SNX24: variants seen among roughly 807,000 people sequenced by gnomAD.
SNX24 encodes sorting nexin-24.
A neutral mutation model predicts 28.7 loss-of-function variants in SNX24; 22 were observed. The observed-to-expected ratio is 0.77, with a 90% CI of 0.55 to 1.10. The LOEUF is 1.10. Among genes scored for constraint, SNX24 ranks in the 50% least tolerant of loss-of-function variants. The pLI, the probability that SNX24 is intolerant of heterozygous loss-of-function variation, is 0.00. For synonymous variants in SNX24, 69 were observed against 71.5 expected, an observed-to-expected ratio of 0.96 and a Z score of 0.18; for missense variants, 221 against 201.1, an observed-to-expected ratio of 1.10 and a Z score of -0.60.
intron 3 of SNX24, among the ~76,000 whole-genome samples, chr5:122,994,146 A>T (rs1761966689): frequency 6.6e-6 from 1 of 152,202 alleles, no homozygotes; most frequent in Non-Finnish European, 1.5e-5. Context: ...GAAGGTTAGC[A>T]AAGTGGTCTT....
At chr5:122,983,305 T>G (rs1455043033) in intron 3 of SNX24, among the ~76,000 whole-genome samples, 1 of 152,196 alleles carries the variant, frequency 6.6e-6, no homozygotes, top group Non-Finnish European at 1.5e-5. Flanking sequence ...TGCATATTCT[T>G]ATTTACTTTT....
chr5:122,964,940 A>T (rs982303377), intron 3 of SNX24, among the ~76,000 whole-genome samples: 4 of 152,104 alleles, frequency 2.6e-5, no homozygotes, highest in African/African-American at 9.7e-5. Flanking sequence ...TGAATTTTTT[A>T]GGTTGTTTCT....
At chr5:122,927,292 A>G (rs1758742468) in intron 1 of SNX24, among the ~76,000 whole-genome samples, 1 of 152,256 alleles carries the variant, frequency 6.6e-6, no homozygotes, top group Non-Finnish European at 1.5e-5. Flanking sequence ...TTCAAGAACT[A>G]GAACTCCTAA....
At chr5:123,003,476 T>C (rs565158032) in intron 6 of SNX24, among the ~76,000 whole-genome samples, 1 of 152,336 alleles carries the variant, frequency 6.6e-6, no homozygotes, top group African/African-American at 2.4e-5. Flanking sequence ...ATTATTCTTA[T>C]TATCTTTGAA....
chr5:122,878,937 G>C (rs999465897), intron 1 of SNX24, among the ~76,000 whole-genome samples: 5 of 146,312 alleles, frequency 3.4e-5, no homozygotes, highest in Admixed American at 2.8e-4. Flanking sequence ...GATCCAGACA[G>C]AGCAAGACTC....
intron 3 of SNX24, among the ~76,000 whole-genome samples, chr5:122,978,925 C>T (rs1030258474): frequency 5.3e-5 from 8 of 152,308 alleles, no homozygotes; most frequent in Admixed American, 3.9e-4. Flanking sequence ...TACTTTTTCT[C>T]AGGCTTTGGG....
chr5:122,940,956 G>A (rs474590), intron 2 of SNX24, among the ~76,000 whole-genome samples: 4,752 of 152,086 alleles, frequency 0.031, 115 homozygotes, highest in Non-Finnish European at 0.053. Context: ...ACCATTCCTC[G>A]TCTCGTGGCC....
intron 1 of SNX24, among the ~76,000 whole-genome samples, chr5:122,903,180 C>T (rs912583164): frequency 3.3e-5 from 5 of 152,104 alleles, no homozygotes; most frequent in Non-Finnish European, 7.4e-5. Context: ...GATCGTGGCT[C>T]ACTGCAGCCT....
chr5:122,988,960 G>A (rs572970210), intron 3 of SNX24, among the ~76,000 whole-genome samples: 20 of 152,112 alleles, frequency 1.3e-4, no homozygotes, highest in South Asian at 1.0e-3. Context: ...GCATATCAAC[G>A]TTATTTTTTC....
chr5:122,888,865 T>C (rs1756828865), intron 1 of SNX24, among the ~76,000 whole-genome samples: 2 of 152,190 alleles, frequency 1.3e-5, no homozygotes, highest in Admixed American at 1.3e-4. Context: ...ACTTTGTGTT[T>C]TTTTGAGACA....
intron 3 of SNX24, among the ~76,000 whole-genome samples, chr5:122,958,883 C>T (rs146788630): frequency 1.6e-4 from 24 of 152,114 alleles, no homozygotes; most frequent in Admixed American, 2.6e-4. Context: ...TAATATGCTG[C>T]TGAATTTGAT....
At chr5:122,968,052 G>T (rs1167452250) in intron 3 of SNX24, among the ~76,000 whole-genome samples, 1 of 152,186 alleles carries the variant, frequency 6.6e-6, no homozygotes, top group Non-Finnish European at 1.5e-5. Flanking sequence ...ATGGGATGTT[G>T]TTGCCAGAAT....
intron 1 of SNX24, among the ~76,000 whole-genome samples, chr5:122,887,180 C>T (rs758935013): frequency 2.6e-5 from 4 of 152,150 alleles, no homozygotes; most frequent in Non-Finnish European, 5.9e-5. Flanking sequence ...TGTACCTATA[C>T]TCTGGGTGGA....
At chr5:122,895,089 A>T (rs1475044728) in intron 1 of SNX24, among the ~76,000 whole-genome samples, 1 of 151,528 alleles carries the variant, frequency 6.6e-6, no homozygotes, top group Non-Finnish European at 1.5e-5. Flanking sequence ...AGTATTATTC[A>T]GCCAAAACAG....
chr5:122,879,431 C>T (rs911457210), intron 1 of SNX24, among the ~76,000 whole-genome samples: 1 of 152,208 alleles, frequency 6.6e-6, no homozygotes, highest in South Asian at 2.1e-4. Flanking sequence ...AACATGAGTT[C>T]TCTCCAGGCT....
chr5:122,907,274 T>C (rs557046785), intron 1 of SNX24, among the ~76,000 whole-genome samples: 1 of 152,130 alleles, frequency 6.6e-6, no homozygotes, highest in Non-Finnish European at 1.5e-5. Context: ...TGACGTAAAG[T>C]TTTCTTTAAA....
At chr5:122,875,590 GATA>G (rs1322682454) in intron 1 of SNX24, among the ~76,000 whole-genome samples, 2 of 152,222 alleles carry the variant, frequency 1.3e-5, no homozygotes, top group Non-Finnish European at 2.9e-5. Flanking sequence ...ATGTAATGGA[GATA>G]ATAAATGAAA....
chr5:122,956,813 A>G (rs1333156612), intron 3 of SNX24, among the ~76,000 whole-genome samples: 1 of 151,716 alleles, frequency 6.6e-6, no homozygotes, highest in African/African-American at 2.4e-5. Context: ...TCATGTGCTT[A>G]TTGGCCATTT....
chr5:122,934,191 C>T (rs960072160), intron 1 of SNX24, among the ~76,000 whole-genome samples: 2 of 152,050 alleles, frequency 1.3e-5, no homozygotes, highest in African/African-American at 4.8e-5. Context: ...GCTTTCCCAG[C>T]GCCGTCCTGG....
Sources: gnomAD v4.1 joint callset for allele counts (sites outside exome capture counted in the v4.1 genomes callset) on GRCh38, gnomAD v4.1.1 for gene constraint, MANE v1.5 for transcripts, NCBI Gene and HGNC (gene_info 2026-07-23, HGNC 2026-07-21) for gene names.